ATG9B: variants seen among roughly 807,000 people sequenced by gnomAD.
The protein encoded by ATG9B is autophagy-related protein 9B.
Under a neutral mutation model 92.9 loss-of-function variants are expected in ATG9B, and 92 were observed. The ratio of observed to expected loss-of-function variants is 0.99; its 90% confidence interval spans 0.84 to 1.18. The LOEUF is 1.18. Ranked by LOEUF, ATG9B falls within the 50% of genes most tolerant of loss-of-function variation. ATG9B has a pLI of 0.00. For synonymous variants in ATG9B, 599 were observed against 551.4 expected (o/e 1.09, Z -1.21); for missense variants, 1,344 against 1,235.0 (o/e 1.09, Z -1.32).
intron 4 of ATG9B, 58 bp from the exon 5 acceptor site, chr7:151,021,387 A>G: frequency 6.6e-7 from 1 of 1,515,190 alleles, no homozygotes; most frequent in Admixed American, 2.2e-5. Context: ...AAAGAGGCAG[A>G]CCAGACTTCG....
intron 4 of ATG9B, among the ~76,000 whole-genome samples, chr7:151,022,002 T>C (rs1474893445): frequency 7.0e-6 from 1 of 143,786 alleles, no homozygotes; most frequent in Non-Finnish European, 1.5e-5. Flanking sequence ...TTTTTTTTTT[T>C]TCCTTTTTAT....
chr7:151,022,139 A>C lies in ATG9B; in HGVS notation c.822-810T>G, dbSNP rs1363307572. Among the ~76,000 whole-genome samples the C allele has an allele frequency of 1.3e-5, 2 of 148,578 alleles. 1 individual carries two copies. Among genetic ancestry groups the C allele is most frequent in the Non-Finnish European group, 3.0e-5 (2 of 67,014 alleles). Reference sequence around the variant, plus strand: ...GGTTGGTTGGCAAAGAGAACATTGCAATCCATGCTTCAGGGAGGAAGGTTG... The same window carrying C: ...GGTTGGTTGGCAAAGAGAACATTGCCATCCATGCTTCAGGGAGGAAGGTTG... On this transcript the variant is annotated intron_variant, in intron 4 of 13. Coordinates refer to ENST00000639579, the MANE Select transcript of ATG9B (RefSeq NM_001317056.2).
rs528994502 is a variant in ATG9B at position 151,017,083 on chromosome 7, G to C, written c.2242C>G (p.Arg748Gly). ...DAAAWGATSA[R>G]GPSTPGVLSN... Reference sequence around the variant, plus strand: ...AGCACCCCCGGGGTGGAGGGGCCGCGAGCCGAGGTGGCACCCCAGGCAGCT... The same window carrying C: ...AGCACCCCCGGGGTGGAGGGGCCGCCAGCCGAGGTGGCACCCCAGGCAGCT... The change falls in exon 9 of 14, where the codon CGC becomes GGC. Residue 748 changes from arginine to glycine, a missense_variant. Transcript: ENST00000639579. 2.5e-6 allele frequency: 4 copies of C among 1,609,406 alleles called. No individual in the cohort carries two copies. The highest frequency in any genetic ancestry group is 3.4e-6 in the Non-Finnish European group (4 of 1,178,470).
In ATG9B at chr7:151,020,957, T is replaced by G. The variant is rs1795723282; in HGVS notation, c.963+231A>C. 4 of 471,142 alleles carry G rather than the reference T, an allele frequency of 8.5e-6. No individual in the cohort carries two copies. In the Admixed American group the frequency reaches 1.2e-4, roughly 14 times the overall value. 29.2% of individuals were successfully genotyped at this position (471,142 alleles called of 1,614,324 possible). On this transcript the variant is annotated intron_variant, in intron 5 of 13. Transcript: ENST00000639579. Reference sequence around the variant, plus strand: ...CACAAACATGTAACTATATGTCATCTTATATGAGCCATCTAAATAAACTAA... The same window carrying G: ...CACAAACATGTAACTATATGTCATCGTATATGAGCCATCTAAATAAACTAA...
chr7:151,017,407 T>C, intron 8 of ATG9B, 135 bp from the exon 9 acceptor site: 2 of 869,852 alleles, frequency 2.3e-6, no homozygotes, highest in South Asian at 1.7e-5. Flanking sequence ...CACCCAAAAA[T>C]ACAGCAGCAG....
In ATG9B at chr7:151,016,800, G is replaced by A. The variant is rs1315930612; in HGVS notation, c.2311C>T (p.Leu771Phe). Reference protein sequence around the residue: ...SPLPEAFLANLFVHPLLPPRD... With the variant: ...SPLPEAFLANFFVHPLLPPRD... ...GGAGGCAGGAGAGGGTGCACGAAGAGGTTGGCCAGGAAGGCCTCAGGCTGG... is the reference window on the plus strand; with the variant it reads ...GGAGGCAGGAGAGGGTGCACGAAGAAGTTGGCCAGGAAGGCCTCAGGCTGG... Residue 771 changes from leucine (L) to phenylalanine (F), a missense_variant, in exon 10 of 14, where the codon CTC becomes TTC. Transcript: ENST00000639579. 8.7e-6 allele frequency: 14 copies of A among 1,610,554 alleles called. No individual in the cohort carries two copies. Among genetic ancestry groups the A allele is most frequent in the Admixed American group, 3.4e-5 (2 of 59,328 alleles).
chr7:151,019,243 G>T lies in ATG9B; in HGVS notation c.1095C>A (p.Thr365=). 1.9e-6 allele frequency: 3 copies of T among 1,560,640 alleles called. No homozygotes were observed. Among genetic ancestry groups the T allele is most frequent in the Non-Finnish European group, 2.6e-6 (3 of 1,159,414 alleles). Residue 365 remains threonine (T), a synonymous_variant, in exon 6 of 14, where the codon ACC becomes ACA. Coordinates refer to ENST00000639579, the MANE Select transcript of ATG9B (RefSeq NM_001317056.2). The part of the protein sequence containing the change: ...LDIHHRILRY[T]NYQVALANKG... Reference sequence around the variant, plus strand: ...TGTTGGCCAGCGCCACCTGGTAGTTGGTGTAGCGCAGGATGCGGTGGTGGA... The same window carrying T: ...TGTTGGCCAGCGCCACCTGGTAGTTTGTGTAGCGCAGGATGCGGTGGTGGA...
Position 151,016,984 on chromosome 7 carries a change from G to A in ATG9B, c.2289+52C>T, listed in dbSNP as rs1177377844. ...GGTGAGCCTAGAGGGGAAGGGTTTGGAGAGGAGTTGTGGGGGTGAAGGCAG... is the reference window on the plus strand; with the variant it reads ...GGTGAGCCTAGAGGGGAAGGGTTTGAAGAGGAGTTGTGGGGGTGAAGGCAG... On this transcript the variant is annotated intron_variant, in intron 9 of 13. Coordinates refer to ENST00000639579, the MANE Select transcript of ATG9B (RefSeq NM_001317056.2). 6.5e-6 allele frequency: 10 copies of A among 1,538,624 alleles called. No homozygotes were observed. The Admixed American group carries it at 1.9e-4, about 30-fold the overall frequency.
chr7:151,021,150 C>T, intron 5 of ATG9B, 38 bp downstream of exon 5: 1 of 1,609,566 alleles, frequency 6.2e-7, no homozygotes, highest in Non-Finnish European at 8.5e-7. Context: ...CCCACCCTCT[C>T]ACGGCACCCT....
downstream of ATG9B, chr7:151,013,945 C>T (rs202210233): frequency 1.9e-6 from 3 of 1,601,046 alleles, no homozygotes; most frequent in Non-Finnish European, 2.6e-6. Flanking sequence ...CGGGCCTGAG[C>T]GTGCGGGGTT....
At chr7:151,021,049 T>C in intron 5 of ATG9B, 139 bp downstream of exon 5, 1 of 991,876 alleles carries the variant, frequency 1.0e-6, no homozygotes, top group East Asian at 2.4e-5. Flanking sequence ...ATTCTGGGCC[T>C]AGGGCAGGTG....
Position 151,024,051 on chromosome 7 carries a change from C to T in ATG9B, c.373G>A (p.Ala125Thr). 1.3e-6 allele frequency: 2 copies of T among 1,588,622 alleles called. No individual in the cohort carries two copies. The highest frequency in any genetic ancestry group is 1.1e-5 in the South Asian group (1 of 87,552). The part of the protein sequence containing the change: ...GSHSTPPLAP[A>T]TPTPSQQCPQ... Reference sequence around the variant, plus strand: ...CACTGCTGTGAGGGAGTGGGGGTTGCCGGGGCCAGGGGTGGGGTGGAGTGG... The same window carrying T: ...CACTGCTGTGAGGGAGTGGGGGTTGTCGGGGCCAGGGGTGGGGTGGAGTGG... The change falls in exon 1 of 14, where the codon GCA becomes ACA. Residue 125 changes from alanine to threonine, a missense_variant. Coordinates refer to ENST00000639579, the MANE Select transcript of ATG9B (RefSeq NM_001317056.2).
intron 8 of ATG9B, 74 bp downstream of exon 8, chr7:151,017,797 A>G: frequency 6.9e-7 from 1 of 1,451,438 alleles, no homozygotes; most frequent in Non-Finnish European, 9.2e-7. Context: ...CAGGGCTGGA[A>G]CTCAGGTCTG....
intron 13 of ATG9B, 35 bp downstream of exon 13, chr7:151,015,847 C>T (rs2117150443): frequency 1.3e-6 from 2 of 1,533,508 alleles, no homozygotes; most frequent in Non-Finnish European, 1.8e-6. Context: ...CCTATGCCGT[C>T]CTTTCTCCCT....
Position 151,018,628 on chromosome 7 carries a change from G to C in ATG9B, c.1710C>G (p.Thr570=), listed in dbSNP as rs1372907496. 2 of 1,604,526 alleles carry C rather than the reference G, an allele frequency of 1.2e-6. No individual in the cohort carries two copies. Among genetic ancestry groups the C allele is most frequent in the African/African-American group, 1.3e-5 (1 of 74,446 alleles). ...TAMTALGVTA[T]VARSFIPEEQ... ...GGCATCTGCCGTCGCACCTGGCGAC[G>C]GTGGCGGTGACCCCGAGCGCGGTCA... Residue 570 remains threonine (T), a synonymous_variant, in exon 6 of 14, where the codon ACC becomes ACG. Coordinates refer to ENST00000639579, the MANE Select transcript of ATG9B (RefSeq NM_001317056.2). This position sits in a 1 kb window ranked among gnomAD's most constrained non-coding sequence, Gnocchi z 4.7.
Sources: gnomAD v4.1 joint callset for allele counts (sites outside exome capture counted in the v4.1 genomes callset) on GRCh38, gnomAD v4.1.1 for gene constraint, Gnocchi (gnomAD v3.1) non-coding constraint, MANE v1.5 for transcripts, NCBI Gene and HGNC (gene_info 2026-07-23, HGNC 2026-07-21) for gene names.